NDUFAF5: variants seen among roughly 807,000 people sequenced by gnomAD.
NDUFAF5 encodes the protein arginine-hydroxylase NDUFAF5, mitochondrial.
NDUFAF5 carries 34 observed loss-of-function variants against 48.9 expected under a neutral mutation model. The ratio of observed to expected loss-of-function variants is 0.70; its 90% CI spans 0.53 to 0.93. The LOEUF is 0.93. NDUFAF5 is among the 40% of genes least tolerant of loss of function. The pLI, the probability that NDUFAF5 is intolerant of heterozygous loss-of-function variation, is 0.00. For synonymous variants in NDUFAF5, 153 were observed against 150.6 expected, an observed-to-expected ratio of 1.02 and a Z score of -0.12; for missense variants, 428 against 427.5, an observed-to-expected ratio of 1.00 and a Z score of -0.01.
chr20:13,804,356 A>G (rs1324211050), intron 7 of NDUFAF5, among the ~76,000 whole-genome samples: 1 of 152,100 alleles, frequency 6.6e-6, no homozygotes, highest in Non-Finnish European at 1.5e-5. Context: ...GGACTCTCCA[A>G]ACCACACTTG....
chr20:13,787,395 T>A (rs770106612), intron 2 of NDUFAF5, 43 bp downstream of exon 2: 4 of 1,579,816 alleles, frequency 2.5e-6, no homozygotes, highest in Non-Finnish European at 3.5e-6. Context: ...AACTTTTGAG[T>A]GGAAATTCAG....
chr20:13,787,067 G>A (rs112555170), intron 1 of NDUFAF5: 438 of 369,830 alleles, frequency 1.2e-3, no homozygotes, highest in Non-Finnish European at 1.7e-3. Context: ...ATATATATAT[G>A]TGTGTGTGTG....
At chr20:13,810,537 G>A (rs1985717662) in intron 8 of NDUFAF5, among the ~76,000 whole-genome samples, 3 of 152,076 alleles carry the variant, frequency 2.0e-5, no homozygotes, top group Non-Finnish European at 4.4e-5. Context: ...GAAGTCTGGT[G>A]GTGAAGAAGA....
At position 13,819,288 on chromosome 20, in the gene NDUFAF5, C is replaced by G. The variant is rs529014085; in HGVS notation, c.*2078C>G. 6.6e-6 allele frequency: 1 copy of G among 152,292 alleles called. No homozygotes were observed. The highest frequency in any genetic ancestry group is 1.9e-4 in the East Asian group (1 of 5,188). The allele number at this position is 152,292 out of a possible 1,614,324, so 9.4% of individuals were successfully genotyped here. A position where few individuals can be genotyped will look rare whatever the true frequency, so the allele number is the denominator to read the frequency against. On this transcript the variant is annotated 3_prime_UTR_variant, in exon 11 of 11. Coordinates refer to ENST00000378106, the MANE Select transcript of NDUFAF5 (RefSeq NM_024120.5). ...AATGAAACTTTTAAAAGGTCTTTAT[C>G]AAAAATTTTTCATAAATGTTACATT... is the stretch of plus-strand genomic sequence containing the variant.
rs1984128171 is a variant in NDUFAF5, at chr20:13,801,554, A to T, written c.588A>T (p.Glu196Asp). The change falls in exon 7 of 11, where the codon GAA becomes GAT. Residue 196 changes from glutamate (E) to aspartate (D), a missense_variant. Glu to Asp is a conservative substitution (Grantham distance 45). Transcript: ENST00000378106. ...TGTTTGGAGGCGACACACTCTATGAACTTCGGTGTTCCTTACAGTTAGCGG... is the reference window on the plus strand; with the variant it reads ...TGTTTGGAGGCGACACACTCTATGATCTTCGGTGTTCCTTACAGTTAGCGG... Reference protein sequence around the residue: ...GAMFGGDTLYELRCSLQLAET... With the variant: ...GAMFGGDTLYDLRCSLQLAET... 1 of 1,614,092 alleles carries T rather than the reference A, an allele frequency of 6.2e-7. No individual in the cohort carries two copies. Among genetic ancestry groups the T allele is most frequent in the East Asian group, 2.2e-5 (1 of 44,870 alleles).
chr20:13,809,742 A>G (rs1985593959), intron 8 of NDUFAF5, among the ~76,000 whole-genome samples: 1 of 152,230 alleles, frequency 6.6e-6, no homozygotes, highest in Admixed American at 6.5e-5. Flanking sequence ...TAATTTCAGT[A>G]TAGCTTGCTG....
chr20:13,817,105 T>G lies in NDUFAF5; in HGVS notation c.946-13T>G. ...TATCTATTTCTAATATCTTTAATCT[T>G]TATTATTTTCAGGCAAGACCAGCTG... On this transcript the variant is annotated splice_polypyrimidine_tract_variant and intron_variant, in intron 10 of 10. Transcript: ENST00000378106. 1 of 1,611,478 alleles carries G rather than the reference T, an allele frequency of 6.2e-7. No homozygotes were observed. Among genetic ancestry groups the G allele is most frequent in the Non-Finnish European group, 8.5e-7 (1 of 1,177,698 alleles).
Position 13,817,879 on chromosome 20 carries a change from G to T in NDUFAF5, c.*669G>T, listed in dbSNP as rs1182012107. 2.2e-6 allele frequency: 1 copy of T among 454,132 alleles called. No homozygotes were observed. Among genetic ancestry groups the T allele is most frequent in the Admixed American group, 2.3e-5 (1 of 42,576 alleles). 28.1% of individuals were successfully genotyped at this position (454,132 alleles called of 1,614,324 possible). A position where few individuals can be genotyped will look rare whatever the true frequency, so the allele number is the denominator to read the frequency against. On this transcript the variant is annotated 3_prime_UTR_variant, in exon 11 of 11. Coordinates refer to ENST00000378106, the MANE Select transcript of NDUFAF5 (RefSeq NM_024120.5). ...ACTATTATCCTAATCCAAGTTCACA[G>T]TCCTGTTGTTGTCGAGGAGGGTTCA...
chr20:13,806,613 G>C (rs1294323854), intron 7 of NDUFAF5, among the ~76,000 whole-genome samples: 1 of 152,242 alleles, frequency 6.6e-6, no homozygotes, highest in East Asian at 1.9e-4. Flanking sequence ...TTGAAGTGGA[G>C]ATAGTGCTTT....
chr20:13,815,542 T>C (rs1347569779), intron 8 of NDUFAF5, among the ~76,000 whole-genome samples: 2 of 152,252 alleles, frequency 1.3e-5, no homozygotes, highest in East Asian at 1.9e-4. Flanking sequence ...GCAGCTCATT[T>C]GTTGATTGTT....
rs1280925879 is a variant in NDUFAF5 at position 13,785,065 on chromosome 20, G to C, written c.-4G>C. On this transcript the variant is annotated 5_prime_UTR_variant, in exon 1 of 11. Coordinates refer to ENST00000378106, the MANE Select transcript of NDUFAF5 (RefSeq NM_024120.5). ...AGCGCCGGCAATTGGGGTCGCAGCT[G>C]GAGATGCTGCGGCCGGCAGGGCTCT... is the stretch of plus-strand genomic sequence containing the variant. The C allele has an allele frequency of 6.2e-7, 1 of 1,609,918 alleles. No homozygotes were observed.
At chr20:13,789,937 G>A (rs1555831180) in intron 3 of NDUFAF5, among the ~76,000 whole-genome samples, 1 of 152,134 alleles carries the variant, frequency 6.6e-6, no homozygotes, top group South Asian at 2.1e-4. Flanking sequence ...TAGGGGAAAA[G>A]AAAAAATCAG....
intron 5 of NDUFAF5, among the ~76,000 whole-genome samples, chr20:13,795,758 G>T (rs1983103495): frequency 1.3e-5 from 2 of 152,164 alleles, no homozygotes; most frequent in South Asian, 4.1e-4. Flanking sequence ...AGTTGAGGCT[G>T]CAGTGAGCCA....
rs904411046 is a variant in NDUFAF5, at chr20:13,820,995, T to G, written c.*3785T>G. ...CTTGCCTTTTCAGATATTGGTATAT[T>G]TTAATTCTCTACCTGAATACATACA... On this transcript the variant is annotated 3_prime_UTR_variant, in exon 11 of 11. Coordinates refer to ENST00000378106, the MANE Select transcript of NDUFAF5 (RefSeq NM_024120.5). The G allele has an allele frequency of 1.3e-5, 2 of 152,244 alleles. No individual in the cohort carries two copies. Among genetic ancestry groups the G allele is most frequent in the African/African-American group, 2.4e-5 (1 of 41,470 alleles). 9.4% of individuals were successfully genotyped at this position (152,244 alleles called of 1,614,324 possible).
chr20:13,791,609 T>A (rs1047053516), intron 3 of NDUFAF5, among the ~76,000 whole-genome samples: 2 of 152,168 alleles, frequency 1.3e-5, no homozygotes, highest in African/African-American at 4.8e-5. Flanking sequence ...ATCTTTTGAT[T>A]GTTGAAAGCA....
In NDUFAF5 at chr20:13,818,130, T is replaced by C. The variant is rs2423752; in HGVS notation, c.*920T>C. 415,990 of 454,058 alleles carry C rather than the reference T, an allele frequency of 0.92. 191,687 individuals are homozygous for C. The highest frequency in any genetic ancestry group is 0.98 in the African/African-American group (49,013 of 50,120). The allele number at this position is 454,058 out of a possible 1,614,324, so 28.1% of individuals were successfully genotyped here. On this transcript the variant is annotated 3_prime_UTR_variant, in exon 11 of 11. Transcript: ENST00000378106. ...TTCTGTCTCCTCTCAGTCTCTCTTC[T>C]GCCTTCCTTCCCTCCTTTACTGTAT... is the stretch of plus-strand genomic sequence containing the variant.
intron 3 of NDUFAF5, among the ~76,000 whole-genome samples, chr20:13,789,269 A>C (rs1261263074): frequency 6.6e-6 from 1 of 151,560 alleles, no homozygotes; most frequent in Non-Finnish European, 1.5e-5. Flanking sequence ...GGTTTGAACG[A>C]TTCTCCTGCC....
intron 5 of NDUFAF5, among the ~76,000 whole-genome samples, chr20:13,795,239 CTTG>C (rs1456985851): frequency 1.3e-5 from 2 of 152,090 alleles, no homozygotes; most frequent in Admixed American, 1.3e-4. Flanking sequence ...TGGAATTGCT[CTTG>C]TTGGGAGCAG....
At chr20:13,790,694 A>G (rs1394263912) in intron 3 of NDUFAF5, among the ~76,000 whole-genome samples, 1 of 152,100 alleles carries the variant, frequency 6.6e-6, no homozygotes, top group East Asian at 1.9e-4. Context: ...TTTTTTTATC[A>G]TGTCTCTGAT....
Sources: allele counts gnomAD v4.1 joint callset (sites outside exome capture counted in the v4.1 genomes callset), GRCh38; gene constraint gnomAD v4.1.1; transcripts MANE v1.5; gene names NCBI Gene and HGNC (gene_info 2026-07-23, HGNC 2026-07-21).